Variants in MEGF10 observed in about 807,000 individuals in gnomAD.
The protein encoded by MEGF10 is multiple epidermal growth factor-like domains protein 10.
In MEGF10, 86 loss-of-function variants were observed where a neutral mutation model predicts 147.5. The observed-to-expected ratio is 0.58, with a 90% confidence interval of 0.49 to 0.70. MEGF10 has a LOEUF of 0.70. MEGF10 is among the 30% of genes least tolerant of loss of function. MEGF10 has a pLI of 0.00. For missense variants in MEGF10, 1,329 were observed against 1,487.3 expected (o/e 0.89, Z 1.75); for synonymous variants, 478 against 525.5 (o/e 0.91, Z 1.24).
chr5:127,301,571 G>A (rs1327243865), intron 1 of MEGF10, among the ~76,000 whole-genome samples: 1 of 152,116 alleles, frequency 6.6e-6, no homozygotes, highest in Admixed American at 6.6e-5. Context: ...AGATTCTGAT[G>A]TTCTGGGTCT....
intron 20 of MEGF10, 111 bp downstream of exon 20, chr5:127,445,804 T>C (rs1162851100): frequency 3.9e-6 from 3 of 778,528 alleles, no homozygotes; most frequent in Non-Finnish European, 6.6e-6. Flanking sequence ...TCAATTCTCA[T>C]TGAGAGAATT....
intron 15 of MEGF10, 102 bp from the exon 16 acceptor site, chr5:127,435,259 C>T: frequency 7.5e-7 from 1 of 1,337,406 alleles, no homozygotes; most frequent in Non-Finnish European, 1.0e-6. Context: ...TACCAATGAG[C>T]AGCTGGGCCT....
intron 8 of MEGF10, chr5:127,409,696 C>T (rs972580554): frequency 3.3e-5 from 5 of 152,674 alleles, no homozygotes; most frequent in African/African-American, 9.6e-5. Flanking sequence ...TTCTTCCCAA[C>T]AGAGGGCAAT....
Position 127,396,769 on chromosome 5 carries a change from C to G in MEGF10, c.650C>G (p.Thr217Ser). The change falls in exon 6 of 25, where the codon ACC (threonine) becomes AGC (serine). Residue 217 changes from threonine to serine, a missense_variant. By Grantham distance (58) the Thr-to-Ser change is moderately conservative. This residue lies in a region of MEGF10 where 980 missense variants were observed against 1,085.9 expected (regional missense o/e 0.90). Coordinates refer to ENST00000503335, the MANE Select transcript of MEGF10 (RefSeq NM_001256545.2). ...GAATGCCGCTGCCCACCAGGATACA[C>G]CGGAGCCTTGTAAGTCACATGCTGC... ...TGECRCPPGY[T>S]GAFCEDLCPP... 1 of 1,613,088 alleles carries G rather than the reference C, an allele frequency of 6.2e-7. No homozygotes were observed. Among genetic ancestry groups the G allele is most frequent in the Non-Finnish European group, 8.5e-7 (1 of 1,179,380 alleles).
At chr5:127,356,328 A>G (rs1762281552) in intron 4 of MEGF10, among the ~76,000 whole-genome samples, 1 of 152,218 alleles carries the variant, frequency 6.6e-6, no homozygotes, top group Non-Finnish European at 1.5e-5. Context: ...TGCTGCACTG[A>G]CATTCTTCTT....
At chr5:127,333,973 G>T (rs1358059716) in intron 2 of MEGF10, among the ~76,000 whole-genome samples, 1 of 152,094 alleles carries the variant, frequency 6.6e-6, no homozygotes, top group Admixed American at 6.5e-5. Flanking sequence ...TAAATGTACT[G>T]CCAGGAAGAA....
chr5:127,358,350 C>G (rs951826106), intron 4 of MEGF10, among the ~76,000 whole-genome samples: 5 of 152,124 alleles, frequency 3.3e-5, no homozygotes, highest in African/African-American at 1.2e-4. Context: ...TTCCACTGCC[C>G]TATTAACTTT....
intron 5 of MEGF10, among the ~76,000 whole-genome samples, chr5:127,395,826 G>T (rs1377199628): frequency 1.3e-5 from 2 of 152,086 alleles, no homozygotes; most frequent in Non-Finnish European, 2.9e-5. Context: ...TTACAGGCGT[G>T]AGCCACCGTT....
At chr5:127,360,972 A>G (rs1274349471) in intron 4 of MEGF10, among the ~76,000 whole-genome samples, 1 of 151,932 alleles carries the variant, frequency 6.6e-6, no homozygotes, top group African/African-American at 2.4e-5. Flanking sequence ...CTTTGCACCT[A>G]TGTGAGTGAT....
intron 5 of MEGF10, among the ~76,000 whole-genome samples, chr5:127,393,806 C>T (rs892679645): frequency 4.7e-5 from 7 of 148,542 alleles, no homozygotes; most frequent in African/African-American, 1.8e-4. Flanking sequence ...AAGATATCTT[C>T]AAAGTTTTTT....
chr5:127,271,598 G>A, the MEGF10 span, among the ~76,000 whole-genome samples: 2 of 152,168 alleles, frequency 1.3e-5, no homozygotes, highest in African/African-American at 2.4e-5. Context: ...TGTCATGGGA[G>A]GGACCCAGTG....
chr5:127,248,718 T>C, the MEGF10 span, among the ~76,000 whole-genome samples: 2 of 151,678 alleles, frequency 1.3e-5, no homozygotes, highest in African/African-American at 2.4e-5. Flanking sequence ...CAGAATCTTG[T>C]GGGATAATAT....
chr5:127,433,318 C>G, intron 13 of MEGF10, 45 bp from the exon 14 acceptor site: 1 of 1,613,578 alleles, frequency 6.2e-7, no homozygotes, highest in Non-Finnish European at 8.5e-7. Context: ...TGCGGAAACT[C>G]CGCACTGCCT....
intron 1 of MEGF10, among the ~76,000 whole-genome samples, chr5:127,319,036 CCT>C (rs1760684154): frequency 7.0e-6 from 1 of 143,228 alleles, no homozygotes; most frequent in African/African-American, 2.5e-5. Flanking sequence ...TCCCTCCCTC[CCT>C]CCCTCCCTTC....
At chr5:127,261,830 T>C in the MEGF10 span, among the ~76,000 whole-genome samples, 1 of 152,174 alleles carries the variant, frequency 6.6e-6, no homozygotes, top group Admixed American at 6.6e-5. Context: ...TATTCCATTG[T>C]GATTTTGATT....
At chr5:127,409,076 C>CA (rs1372121321) in intron 8 of MEGF10, among the ~76,000 whole-genome samples, 11 of 151,526 alleles carry the variant, frequency 7.3e-5, no homozygotes, top group Non-Finnish European at 1.2e-4. Context: ...GACCCTGTCT[C>CA]AAAAAAAAGT....
rs868214958 is a variant in MEGF10 at position 127,443,038 on chromosome 5, A to G, written c.2403A>G (p.Ile801Met). ...CATATGGCTATGGCTGTCGCCAGATATGTGATTGTCTGAACAACTCCACCT... is the reference window on the plus strand; with the variant it reads ...CATATGGCTATGGCTGTCGCCAGATGTGTGATTGTCTGAACAACTCCACCT... ...SGTYGYGCRQ[I>M]CDCLNNSTCD... Residue 801 changes from isoleucine (I) to methionine (M), a missense_variant, in exon 19 of 25, where the codon ATA (isoleucine) becomes ATG (methionine). Physicochemically the swap from Ile to Met is conservative, Grantham distance 10. Transcript: ENST00000503335. 7.4e-6 allele frequency: 12 copies of G among 1,613,692 alleles called. No homozygotes were observed. The African/African-American group carries it at 1.2e-4, about 16-fold the overall frequency.
intron 5 of MEGF10, 137 bp downstream of exon 5, chr5:127,370,139 C>T: frequency 1.8e-6 from 1 of 562,574 alleles, no homozygotes; most frequent in East Asian, 2.9e-5. Flanking sequence ...CCAACTCAGT[C>T]ATACAGTTTC....
chr5:127,240,299 C>T, the MEGF10 span, among the ~76,000 whole-genome samples: 1 of 152,170 alleles, frequency 6.6e-6, no homozygotes, highest in Non-Finnish European at 1.5e-5. Flanking sequence ...CCAGCATGGG[C>T]CTGGTAGCAG....
Sources: gnomAD v4.1 joint callset for allele counts (sites outside exome capture counted in the v4.1 genomes callset) on GRCh38, gnomAD v4.1.1 for gene constraint, gnomAD v4.1.1 regional missense constraint, MANE v1.5 for transcripts, NCBI Gene and HGNC (gene_info 2026-07-23, HGNC 2026-07-21) for gene names.